The following MEI1 variants were observed in gnomAD, a reference collection of about 807,000 sequenced individuals.
MEI1 encodes the protein meiosis inhibitor protein 1.
A neutral mutation model predicts 146.2 loss-of-function variants in MEI1; 103 were observed. That is an observed-to-expected ratio of 0.70 (90% CI 0.60 to 0.83). MEI1 has a LOEUF of 0.83. Among genes scored for constraint, MEI1 ranks in the 40% least tolerant of loss-of-function variants. The probability of loss-of-function intolerance (pLI) is 0.00; values close to 1 mark genes in which losing one functional copy is unlikely to be tolerated. For missense variants in MEI1, 1,529 were observed against 1,533.0 expected (o/e 1.00, Z 0.04); for synonymous variants, 652 against 628.2 (o/e 1.04, Z -0.57).
chr22:41,774,603 G>A (rs1255859415), intron 20 of MEI1: 2 of 152,162 alleles, frequency 1.3e-5, no homozygotes, highest in Non-Finnish European at 2.9e-5. Context: ...AGATGAAGTA[G>A]ACCTCATCCC....
At chr22:41,751,341 G>GCCC (rs2073737054) in intron 15 of MEI1, among the ~76,000 whole-genome samples, 1 of 152,210 alleles carries the variant, frequency 6.6e-6, no homozygotes, top group East Asian at 1.9e-4. Flanking sequence ...TGAAGTGGGA[G>GCCC]CTTCTGATGT....
At position 41,776,314 on chromosome 22, in the gene MEI1, G is replaced by A. The variant is rs571881876; in HGVS notation, c.2710+47G>A. On this transcript the variant is annotated intron_variant, in intron 21 of 30. Transcript: ENST00000401548. ...GCACACTTTGACCTGAAAGCCAGTC[G>A]AGAATGGGCATCTCTACCCTTGTTA... is the stretch of plus-strand genomic sequence containing the variant. 1,413 of 1,599,106 alleles carry A rather than the reference G, an allele frequency of 8.8e-4. 21 individuals are homozygous for A. In the South Asian group the frequency reaches 0.015, roughly 17 times the overall value.
chr22:41,788,876 G>A (rs1031240959), intron 26 of MEI1, among the ~76,000 whole-genome samples: 2 of 152,064 alleles, frequency 1.3e-5, no homozygotes, highest in African/African-American at 2.4e-5. Flanking sequence ...TCTTGCTGTC[G>A]CCCAAGCTAG....
At chr22:41,731,499 C>T (rs886396583) in intron 9 of MEI1, among the ~76,000 whole-genome samples, 2 of 149,538 alleles carry the variant, frequency 1.3e-5, no homozygotes, top group Admixed American at 1.3e-4. Flanking sequence ...GGATTAGAGG[C>T]GACTGCCAGC....
chr22:41,733,889 G>A (rs2072085824), intron 11 of MEI1, among the ~76,000 whole-genome samples: 1 of 151,968 alleles, frequency 6.6e-6, no homozygotes. Context: ...CACTTTGGGA[G>A]GCCAAGGTCG....
At chr22:41,791,839 A>G (rs2076193627) in intron 26 of MEI1, among the ~76,000 whole-genome samples, 1 of 152,274 alleles carries the variant, frequency 6.6e-6, no homozygotes, top group Admixed American at 6.5e-5. Context: ...GACACATGCT[A>G]CAACATGGAT....
intron 19 of MEI1, among the ~76,000 whole-genome samples, chr22:41,765,305 C>T (rs984044180): frequency 9.9e-5 from 15 of 152,128 alleles, no homozygotes; most frequent in Non-Finnish European, 2.1e-4. Context: ...CATGAGCCAC[C>T]GTGCCCAGCC....
chr22:41,733,995 T>A (rs899171430), intron 11 of MEI1, among the ~76,000 whole-genome samples: 1 of 150,480 alleles, frequency 6.6e-6, no homozygotes, highest in African/African-American at 2.4e-5. Flanking sequence ...GGATGTGGTG[T>A]CACACACCTG....
chr22:41,710,883 A>G (rs896946536), intron 3 of MEI1, among the ~76,000 whole-genome samples: 13 of 152,316 alleles, frequency 8.5e-5, no homozygotes, highest in Non-Finnish European at 8.8e-5. Flanking sequence ...AGCAGTAATC[A>G]ATTTAGCCTT....
At position 41,707,482 on chromosome 22, in the gene MEI1, A is replaced by G. The variant is rs148007670; in HGVS notation, c.349+1928A>G. On this transcript the variant is annotated intron_variant, in intron 3 of 30. Transcript: ENST00000401548. ...CTGCAGGCTGGATTCGGCTGCTGTC[A>G]TAGAATGGCACTGCCACTGCCAGGA... Among the ~76,000 whole-genome samples the G allele has an allele frequency of 3.4e-4, 52 of 152,286 alleles. 1 individual carries two copies. The highest frequency in any genetic ancestry group is 2.7e-3 in the East Asian group (14 of 5,176).
At chr22:41,735,745 G>A (rs1393923690) in intron 11 of MEI1, among the ~76,000 whole-genome samples, 1 of 152,116 alleles carries the variant, frequency 6.6e-6, no homozygotes, top group Non-Finnish European at 1.5e-5. Context: ...AACTGTATCT[G>A]TTGACTCCAT....
intron 3 of MEI1, chr22:41,709,508 C>T (rs764635321): frequency 9.5e-5 from 57 of 601,226 alleles, no homozygotes; most frequent in Non-Finnish European, 1.6e-4. Flanking sequence ...GCGACGGCAG[C>T]GGGATGTAGG....
At chr22:41,736,979 A>G (rs911085731) in intron 11 of MEI1, among the ~76,000 whole-genome samples, 4 of 152,280 alleles carry the variant, frequency 2.6e-5, no homozygotes, top group African/African-American at 7.2e-5. Flanking sequence ...TTTGGGATCT[A>G]AAGAATTAGA....
intron 6 of MEI1, 41 bp from the exon 7 acceptor site, chr22:41,723,902 G>C (rs1482568192): frequency 1.9e-6 from 3 of 1,562,312 alleles, no homozygotes; most frequent in Admixed American, 1.9e-5. Context: ...TCTGGTGCCT[G>C]TGTTCCTCTT....
chr22:41,758,918 T>C (rs1457006130), intron 18 of MEI1, among the ~76,000 whole-genome samples: 2 of 152,058 alleles, frequency 1.3e-5, no homozygotes, highest in African/African-American at 2.4e-5. Flanking sequence ...CAAGGTGGGC[T>C]GATCAGTTGA....
chr22:41,793,687 T>C, intron 26 of MEI1, 142 bp from the exon 27 acceptor site: 1 of 690,254 alleles, frequency 1.4e-6, no homozygotes, highest in Non-Finnish European at 2.4e-6. Flanking sequence ...AATAAACATT[T>C]CTTGATTATC....
At chr22:41,711,743 A>G (rs893989632) in intron 3 of MEI1, among the ~76,000 whole-genome samples, 4 of 152,008 alleles carry the variant, frequency 2.6e-5, no homozygotes, top group African/African-American at 9.7e-5. Flanking sequence ...ACCTTACCAA[A>G]TCTCTCCTCA....
chr22:41,764,446 A>G (rs760444812), intron 19 of MEI1, among the ~76,000 whole-genome samples: 10 of 152,066 alleles, frequency 6.6e-5, no homozygotes, highest in Non-Finnish European at 1.0e-4. Flanking sequence ...AAACCCATTC[A>G]CTTCCACTAT....
At position 41,778,802 on chromosome 22, in the gene MEI1, C is replaced by T. The variant is rs1022692834; in HGVS notation, c.2805C>T (p.Leu935=). ...EQELDSVAMK[L]LHQVSKLCGK... ...AACTGGACAGCGTGGCCATGAAGCT[C>T]CTTCACCAAGGTGCCCTGGCTGCTT... The change falls in exon 22 of 31, where the codon CTC becomes CTT. Residue 935 remains leucine (L), a synonymous_variant. Transcript: ENST00000401548. 36 of 1,602,802 alleles carry T rather than the reference C, an allele frequency of 2.2e-5. No homozygotes were observed. Among genetic ancestry groups the T allele is most frequent in the Non-Finnish European group, 2.9e-5 (34 of 1,174,858 alleles).
Sources: allele counts gnomAD v4.1 joint callset (sites outside exome capture counted in the v4.1 genomes callset), GRCh38; gene constraint gnomAD v4.1.1; transcripts MANE v1.5; gene names NCBI Gene and HGNC (gene_info 2026-07-23, HGNC 2026-07-21).